VWA8: variants seen among roughly 807,000 people sequenced by gnomAD.
VWA8 encodes von Willebrand factor A domain-containing protein 8.
In VWA8, 221 loss-of-function variants were observed where a neutral mutation model predicts 241.5. The ratio of observed to expected loss-of-function variants is 0.91; its 90% CI spans 0.82 to 1.02. VWA8 has a LOEUF of 1.02. Ranked by LOEUF, VWA8 falls within the 50% of genes least tolerant of loss-of-function variation. The pLI is 0.00. For synonymous variants in VWA8, 852 were observed against 827.1 expected (o/e 1.03, Z -0.52); for missense variants, 2,322 against 2,328.7 (o/e 1.00, Z 0.06).
chr13:41,594,186 G>A (rs2044474039), intron 40 of VWA8, among the ~76,000 whole-genome samples: 1 of 151,060 alleles, frequency 6.6e-6, no homozygotes, highest in African/African-American at 2.4e-5. Flanking sequence ...TACGATCATA[G>A]CTCACTGCAC....
chr13:41,587,358 T>C (rs955600286), intron 42 of VWA8, among the ~76,000 whole-genome samples, 154 bp downstream of exon 42: 2 of 152,240 alleles, frequency 1.3e-5, no homozygotes, highest in African/African-American at 4.8e-5. Flanking sequence ...TTACAATTAC[T>C]ACTTCAGATA....
intron 25 of VWA8, among the ~76,000 whole-genome samples, chr13:41,720,213 A>G (rs866497604): frequency 6.6e-6 from 1 of 152,160 alleles, no homozygotes; most frequent in South Asian, 2.1e-4. Flanking sequence ...TGCAAACAAC[A>G]GAGAAACAGG....
At chr13:41,736,959 T>C (rs932348097) in intron 21 of VWA8, among the ~76,000 whole-genome samples, 1 of 150,438 alleles carries the variant, frequency 6.6e-6, no homozygotes, top group Non-Finnish European at 1.5e-5. Flanking sequence ...TTCTCCTGCC[T>C]CAGCCTCCAG....
rs1353245096 is a variant in VWA8, at chr13:41,912,171, A to G, written c.242-3T>C. On this transcript the variant is annotated splice_polypyrimidine_tract_variant and splice_region_variant and intron_variant, in intron 2 of 44. Transcript: ENST00000379310. ...AGATTGAGCCAGAGAGTCTGAAACT[A>G]TAAAGAAAAAAGAGAAAATGAAGTG... 2 of 1,580,988 alleles carry G rather than the reference A, an allele frequency of 1.3e-6. No individual in the cohort carries two copies. The highest frequency in any genetic ancestry group is 2.3e-5 in the East Asian group (1 of 44,412).
chr13:41,627,398 C>A (rs762835983), intron 37 of VWA8, among the ~76,000 whole-genome samples: 1 of 152,130 alleles, frequency 6.6e-6, no homozygotes, highest in Non-Finnish European at 1.5e-5. Context: ...AACTTGGACA[C>A]CCTCCACCGT....
At chr13:41,604,097 C>A (rs1367544685) in intron 40 of VWA8, among the ~76,000 whole-genome samples, 1 of 152,100 alleles carries the variant, frequency 6.6e-6, no homozygotes, top group Non-Finnish European at 1.5e-5. Context: ...ATTACTCTCA[C>A]CTCCTCTGAA....
intron 12 of VWA8, among the ~76,000 whole-genome samples, chr13:41,858,026 A>G (rs1246479228): frequency 6.6e-6 from 1 of 152,140 alleles, no homozygotes; most frequent in Non-Finnish European, 1.5e-5. Context: ...ACTGGAACTT[A>G]TACTATTGGC....
Position 41,690,106 on chromosome 13 carries a change from G to T in VWA8, c.3976+60C>A, listed in dbSNP as rs2045165506. On this transcript the variant is annotated intron_variant, in intron 33 of 44. Coordinates refer to ENST00000379310, the MANE Select transcript of VWA8 (RefSeq NM_015058.2). ...GTTTTGTTCTTAAATGATTCTAGAA[G>T]ACAGTATATGTACAAGCATGCACTC... 9.9e-6 allele frequency: 14 copies of T among 1,408,920 alleles called. 1 individual carries two copies. The South Asian group carries it at 1.9e-4, about 19-fold the overall frequency. 87.3% of individuals were successfully genotyped at this position (1,408,920 alleles called of 1,614,324 possible). A position where few individuals can be genotyped will look rare whatever the true frequency, so the allele number is the denominator to read the frequency against.
At chr13:41,838,089 C>A (rs570109549) in intron 12 of VWA8, among the ~76,000 whole-genome samples, 212 of 152,204 alleles carry the variant, frequency 1.4e-3, no homozygotes, top group African/African-American at 4.9e-3. Flanking sequence ...AAAATAAAAA[C>A]ATCCTGTTAA....
chr13:41,766,916 C>T (rs1002192498), intron 20 of VWA8, among the ~76,000 whole-genome samples: 4 of 152,112 alleles, frequency 2.6e-5, no homozygotes, highest in African/African-American at 9.7e-5. Context: ...ACATAAAACA[C>T]GTCTGGGAGC....
At chr13:41,715,509 C>A (rs552046423) in intron 26 of VWA8, among the ~76,000 whole-genome samples, 2 of 151,906 alleles carry the variant, frequency 1.3e-5, no homozygotes, top group Non-Finnish European at 2.9e-5. Flanking sequence ...TTCTGAAACA[C>A]ACTTTTTAAT....
intron 2 of VWA8, among the ~76,000 whole-genome samples, chr13:41,919,316 C>T (rs1471447146): frequency 6.6e-6 from 1 of 152,172 alleles, no homozygotes; most frequent in Non-Finnish European, 1.5e-5. Flanking sequence ...CTATGGATAC[C>T]TGCAGTCTTT....
At chr13:41,917,106 A>G (rs1235929717) in intron 2 of VWA8, among the ~76,000 whole-genome samples, 1 of 152,222 alleles carries the variant, frequency 6.6e-6, no homozygotes, top group Non-Finnish European at 1.5e-5. Context: ...TTGCCCAGCC[A>G]TATTCAAAGG....
chr13:41,711,418 G>C (rs1057385010), intron 26 of VWA8, among the ~76,000 whole-genome samples: 7 of 152,090 alleles, frequency 4.6e-5, no homozygotes, highest in Admixed American at 1.3e-4. Context: ...ATGAATATAG[G>C]AGCTATTAGC....
intron 37 of VWA8, among the ~76,000 whole-genome samples, chr13:41,627,846 GA>G (rs2044702100): frequency 6.6e-6 from 1 of 152,034 alleles, no homozygotes; most frequent in African/African-American, 2.4e-5. Context: ...AGCAGTTACA[GA>G]AAAAAAGACC....
chr13:41,659,840 T>C lies in VWA8; in HGVS notation c.4611+11106A>G, dbSNP rs186783292. 7.5e-3 allele frequency among the ~76,000 whole-genome samples: 1,150 copies of C among 152,344 alleles called. 7 individuals are homozygous for C. Among genetic ancestry groups the C allele is most frequent in the Non-Finnish European group, 0.013 (882 of 68,018 alleles). ...TGTCCTATAGAGATAAGGGACAACC[T>C]ACTGAACCAAGGCAGTTCAGAAAAC... On this transcript the variant is annotated intron_variant, in intron 37 of 44. Coordinates refer to ENST00000379310, the MANE Select transcript of VWA8 (RefSeq NM_015058.2).
intron 20 of VWA8, among the ~76,000 whole-genome samples, chr13:41,775,485 C>T (rs1388857222): frequency 6.6e-6 from 1 of 152,134 alleles, no homozygotes; most frequent in East Asian, 1.9e-4. Flanking sequence ...AAAGTTTGTG[C>T]CAACCCGTGG....
chr13:41,847,284 T>G (rs1339949639), intron 12 of VWA8, among the ~76,000 whole-genome samples: 3 of 152,078 alleles, frequency 2.0e-5, no homozygotes, highest in African/African-American at 7.2e-5. Flanking sequence ...ACATAGTAGT[T>G]GGTACTACAC....
intron 4 of VWA8, 144 bp from the exon 5 acceptor site, chr13:41,891,731 T>C (rs976583102): frequency 8.2e-6 from 7 of 857,702 alleles, no homozygotes; most frequent in Non-Finnish European, 1.2e-5. Flanking sequence ...CTTGTTTTGC[T>C]TTTTCTGCCT....
Sources: gnomAD v4.1 joint callset for allele counts (sites outside exome capture counted in the v4.1 genomes callset) on GRCh38, gnomAD v4.1.1 for gene constraint, MANE v1.5 for transcripts, NCBI Gene and HGNC (gene_info 2026-07-23, HGNC 2026-07-21) for gene names.